SMIM35: variants seen among roughly 807,000 people sequenced by gnomAD.
SMIM35 encodes small integral membrane protein 35.
chr11:118,028,426 T>C (rs146233340), intron 1 of SMIM35, among the ~76,000 whole-genome samples: 8 of 151,558 alleles, frequency 5.3e-5, no homozygotes, highest in South Asian at 2.1e-4. Context: ...TTCTTTGACA[T>C]TTATCTCCTG....
chr11:118,055,736 T>G (rs1944300766), intron 1 of SMIM35, among the ~76,000 whole-genome samples: 1 of 152,190 alleles, frequency 6.6e-6, no homozygotes, highest in Non-Finnish European at 1.5e-5. Context: ...CCTTGGTTAT[T>G]GATTCGATAA....
At chr11:118,074,233 A>T (rs1209238360) in intron 1 of SMIM35, among the ~76,000 whole-genome samples, 1 of 152,228 alleles carries the variant, frequency 6.6e-6, no homozygotes, top group Non-Finnish European at 1.5e-5. Context: ...GAGTTTCATG[A>T]TAACTCTGCC....
intron 1 of SMIM35, among the ~76,000 whole-genome samples, chr11:118,055,936 A>G (rs1237926271): frequency 6.6e-6 from 1 of 152,022 alleles, no homozygotes; most frequent in Non-Finnish European, 1.5e-5. Context: ...GGTGATGCCA[A>G]GGAAGCATCC....
At chr11:118,064,629 G>C (rs1434281792) in intron 1 of SMIM35, among the ~76,000 whole-genome samples, 1 of 151,406 alleles carries the variant, frequency 6.6e-6, no homozygotes, top group Non-Finnish European at 1.5e-5. Flanking sequence ...GAGATTTTTT[G>C]TTGTTTTTTT....
intron 1 of SMIM35, among the ~76,000 whole-genome samples, chr11:118,056,538 G>A (rs1194195519): frequency 2.0e-5 from 3 of 152,218 alleles, no homozygotes; most frequent in African/African-American, 7.2e-5. Context: ...TGGGGCAATA[G>A]AGATGTAGGT....
intron 1 of SMIM35, among the ~76,000 whole-genome samples, chr11:118,075,394 T>C (rs1411937602): frequency 6.6e-6 from 1 of 152,156 alleles, no homozygotes; most frequent in African/African-American, 2.4e-5. Context: ...TGGCCAATAA[T>C]CCATTACACA....
At chr11:118,008,851 G>A (rs1293467834) in intron 4 of SMIM35, among the ~76,000 whole-genome samples, 1 of 152,236 alleles carries the variant, frequency 6.6e-6, no homozygotes, top group African/African-American at 2.4e-5. Flanking sequence ...TCAAATAGGA[G>A]AAAGCAAGGT....
chr11:118,084,899 C>T (rs544719587), intron 1 of SMIM35, among the ~76,000 whole-genome samples: 1 of 152,304 alleles, frequency 6.6e-6, no homozygotes, highest in Admixed American at 6.5e-5. Flanking sequence ...GTCCCTGCCT[C>T]AGAGTTCAGG....
chr11:118,008,193 CT>C (rs535999867), intron 4 of SMIM35, among the ~76,000 whole-genome samples: 47 of 152,294 alleles, frequency 3.1e-4, no homozygotes, highest in Admixed American at 8.5e-4. Flanking sequence ...TGCTGGCCTG[CT>C]GCTACTCTGG....
chr11:118,022,702 G>A (rs1294628182), intron 1 of SMIM35, among the ~76,000 whole-genome samples: 1 of 152,136 alleles, frequency 6.6e-6, no homozygotes, highest in Admixed American at 6.5e-5. Flanking sequence ...TATTCAATAA[G>A]TAATGAGTGC....
chr11:118,081,160 CT>C (rs1199728216), intron 1 of SMIM35, among the ~76,000 whole-genome samples: 2 of 152,164 alleles, frequency 1.3e-5, no homozygotes, highest in African/African-American at 4.8e-5. Context: ...ACAGAATCCC[CT>C]ATAACCAATT....
At chr11:118,068,845 G>A (rs1182168923) in intron 1 of SMIM35, among the ~76,000 whole-genome samples, 4 of 152,192 alleles carry the variant, frequency 2.6e-5, no homozygotes, top group Admixed American at 6.5e-5. Flanking sequence ...TCCAGGAGCC[G>A]TGGTCTCTCC....
At chr11:118,035,577 C>T (rs1283882781) in intron 1 of SMIM35, among the ~76,000 whole-genome samples, 1 of 152,198 alleles carries the variant, frequency 6.6e-6, no homozygotes, top group Non-Finnish European at 1.5e-5. Flanking sequence ...GTGGGTGGGG[C>T]ATGCCTGCCC....
intron 1 of SMIM35, 44 bp downstream of exon 1, chr11:118,086,707 C>G (rs908389624): frequency 6.5e-6 from 1 of 153,166 alleles, no homozygotes; most frequent in Non-Finnish European, 1.5e-5. Flanking sequence ...ACTCCCTCCT[C>G]TCCTGCCCCA....
At chr11:118,011,855 C>T (rs559773610) in intron 4 of SMIM35, among the ~76,000 whole-genome samples, 1 of 152,284 alleles carries the variant, frequency 6.6e-6, no homozygotes, top group Admixed American at 6.5e-5. Flanking sequence ...CTCAGAACCA[C>T]TAAGGGGCCT....
In SMIM35 at chr11:118,045,330, G is replaced by GCGCACACACACACACACACA. The variant is rs1555073986; in HGVS notation, c.8-29522_8-29521insTGTGTGTGTGTGTGTGTGCG. On this transcript the variant is annotated intron_variant, in intron 1 of 4. Transcript: ENST00000689828. ...AATTCTAGTTATGGTATACACACAT[G>GCGCACACACACACACACACA]CACACACACACACACACACACACAC... Among the ~76,000 whole-genome samples the GCGCACACACACACACACACA allele has an allele frequency of 9.6e-5, 14 of 146,124 alleles. No individual in the cohort carries two copies. In the East Asian group the frequency reaches 2.8e-3, roughly 30 times the overall value.
At chr11:118,026,880 C>A (rs1454148999) in intron 1 of SMIM35, among the ~76,000 whole-genome samples, 8 of 152,016 alleles carry the variant, frequency 5.3e-5, no homozygotes, top group Admixed American at 3.3e-4. Context: ...AACTGATATG[C>A]CTCTTCACAA....
intron 1 of SMIM35, among the ~76,000 whole-genome samples, chr11:118,066,018 C>A (rs1944468950): frequency 6.6e-6 from 1 of 152,080 alleles, no homozygotes; most frequent in Admixed American, 6.5e-5. Flanking sequence ...GCTCGCTCAC[C>A]TGGGCCCTGC....
intron 1 of SMIM35, among the ~76,000 whole-genome samples, chr11:118,082,417 C>T (rs113137102): frequency 1.3e-5 from 2 of 152,108 alleles, no homozygotes; most frequent in Non-Finnish European, 2.9e-5. Context: ...AAACATTAGC[C>T]GAGCGCAGTA....
Sources: allele counts gnomAD v4.1 joint callset (sites outside exome capture counted in the v4.1 genomes callset), GRCh38; gene constraint gnomAD v4.1.1; transcripts MANE v1.5; gene names NCBI Gene and HGNC (gene_info 2026-07-23, HGNC 2026-07-21).